DDX31: variants seen among roughly 807,000 people sequenced by gnomAD.
The protein encoded by DDX31 is DEAD-box helicase 31.
DDX31 carries 70 observed loss-of-function variants against 91.3 expected under a neutral mutation model. The ratio of observed to expected loss-of-function variants is 0.77; its 90% CI spans 0.63 to 0.94. DDX31 has a LOEUF of 0.94. DDX31 is among the 40% of genes least tolerant of loss of function. The pLI is 0.00. For synonymous variants in DDX31, 362 were observed against 350.6 expected (o/e 1.03, Z -0.36); for missense variants, 902 against 925.0 (o/e 0.98, Z 0.32).
chr9:132,623,365 G>C (rs1832165680), intron 17 of DDX31, among the ~76,000 whole-genome samples: 1 of 151,406 alleles, frequency 6.6e-6, no homozygotes, highest in Non-Finnish European at 1.5e-5. Flanking sequence ...AGACCATCCT[G>C]GCCAACATAG....
chr9:132,653,494 C>CAAAAAAAAAAAAAAAAAAAAA (rs71376648), intron 6 of DDX31, among the ~76,000 whole-genome samples: 1 of 20,662 alleles, frequency 4.8e-5, no homozygotes, highest in Non-Finnish European at 1.5e-4. Flanking sequence ...AACTCAGTCT[C>CAAAAAAAAAAAAAAAAAAAAA]AAAAAAAAAA....
At chr9:132,669,774 C>T (rs573978007) in intron 1 of DDX31, 86 bp downstream of exon 1, 1 of 1,520,416 alleles carries the variant, frequency 6.6e-7, no homozygotes, top group African/African-American at 1.4e-5. Context: ...GACTCGAAAC[C>T]CGACTCCAAG....
chr9:132,665,159 C>T (rs1169021361), intron 1 of DDX31, among the ~76,000 whole-genome samples: 1 of 152,194 alleles, frequency 6.6e-6, no homozygotes, highest in East Asian at 1.9e-4. Context: ...GCACTGTATC[C>T]CCTGTATAGG....
At chr9:132,617,003 C>T (rs1338058173) in intron 18 of DDX31, among the ~76,000 whole-genome samples, 1 of 152,192 alleles carries the variant, frequency 6.6e-6, no homozygotes, top group Non-Finnish European at 1.5e-5. Flanking sequence ...CACTTGCCCC[C>T]GCTAGAGTCT....
Position 132,646,922 on chromosome 9 carries a change from G to A in DDX31, c.1104C>T (p.Asp368=), listed in dbSNP as rs894541488. 1 of 1,614,184 alleles carries A rather than the reference G, an allele frequency of 6.2e-7. No homozygotes were observed. The highest frequency in any genetic ancestry group is 1.1e-5 in the South Asian group (1 of 91,084). Residue 368 remains aspartate (D), a synonymous_variant, in exon 12 of 20, where the codon GAC becomes GAT. Transcript: ENST00000372159. ...TGAGACTCTCTGGTATTGCAAAGCT[G>A]TCCAGCTTGTCGCCAGCTGGTGGAG... ...VCPPPAGDKL[D]SFAIPESLKQ...
chr9:132,638,308 A>C, intron 14 of DDX31: 3 of 1,613,848 alleles, frequency 1.9e-6, no homozygotes, highest in Non-Finnish European at 2.5e-6. Context: ...ACTCGTCAAC[A>C]TAATGATGGT....
At position 132,648,176 on chromosome 9, in the gene DDX31, C is replaced by A; in HGVS notation, c.967+13G>T. 1 of 1,603,966 alleles carries A rather than the reference C, an allele frequency of 6.2e-7. No individual in the cohort carries two copies. Among genetic ancestry groups the A allele is most frequent in the African/African-American group, 1.3e-5 (1 of 74,356 alleles). On this transcript the variant is annotated intron_variant, in intron 11 of 19. Transcript: ENST00000372159. ...AAGAACAAAGAAGGACCCATCACTT[C>A]TTTTCAACTCACCTTCTGTGAGTGT...
intron 17 of DDX31, among the ~76,000 whole-genome samples, chr9:132,622,658 T>C (rs1000663922): frequency 6.6e-6 from 1 of 152,196 alleles, no homozygotes; most frequent in Admixed American, 6.5e-5. Context: ...TACTATCTCA[T>C]TGTGTAATTG....
chr9:132,644,723 G>T (rs1466986121), intron 13 of DDX31, among the ~76,000 whole-genome samples: 1 of 152,128 alleles, frequency 6.6e-6, no homozygotes, highest in African/African-American at 2.4e-5. Context: ...CGGATTCACA[G>T]GATTAGTAAA....
At chr9:132,669,680 G>A (rs1835595198) in intron 1 of DDX31, 180 bp downstream of exon 1, 3 of 1,533,724 alleles carry the variant, frequency 2.0e-6, no homozygotes, top group Non-Finnish European at 1.7e-6. Flanking sequence ...ATCCCTGCGG[G>A]TGGTGTTCCG....
intron 18 of DDX31, among the ~76,000 whole-genome samples, chr9:132,612,903 G>A (rs1831429334): frequency 6.6e-6 from 1 of 152,038 alleles, no homozygotes; most frequent in Admixed American, 6.6e-5. Context: ...TGTACTCACT[G>A]GACTTTTTAA....
chr9:132,669,848 G>A lies in DDX31; in HGVS notation c.75+12C>T, dbSNP rs1260664965. The A allele has an allele frequency of 1.9e-6, 3 of 1,572,532 alleles. No individual in the cohort carries two copies. Among genetic ancestry groups the A allele is most frequent in the Non-Finnish European group, 2.6e-6 (3 of 1,161,702 alleles). On this transcript the variant is annotated intron_variant, in intron 1 of 19. Coordinates refer to ENST00000372159, the MANE Select transcript of DDX31 (RefSeq NM_022779.9). ...CGGGTGGGGACGGAGCTGAAGCCGGGTCAGAACTCACCCGACTCGCCTGGG... is the reference window on the plus strand; with the variant it reads ...CGGGTGGGGACGGAGCTGAAGCCGGATCAGAACTCACCCGACTCGCCTGGG...
At chr9:132,625,878 T>G (rs929569749) in intron 16 of DDX31, 133 bp from the exon 17 acceptor site, 1 of 630,568 alleles carries the variant, frequency 1.6e-6, no homozygotes, top group African/African-American at 1.9e-5. Flanking sequence ...GGAAAGGAAA[T>G]ATTTTCCTAA....
intron 19 of DDX31, among the ~76,000 whole-genome samples, chr9:132,598,372 C>T (rs1235080222): frequency 6.6e-6 from 1 of 152,192 alleles, no homozygotes; most frequent in East Asian, 1.9e-4. Flanking sequence ...ATACCCGCAC[C>T]CCTCTCCAAT....
intron 17 of DDX31, among the ~76,000 whole-genome samples, chr9:132,623,870 A>C (rs1331088523): frequency 6.6e-6 from 1 of 152,028 alleles, no homozygotes; most frequent in African/African-American, 2.4e-5. Context: ...GGGAACATTA[A>C]AAAAGAAACC....
At position 132,612,203 on chromosome 9, in the gene DDX31, G is replaced by A. The variant is rs989400739; in HGVS notation, c.1878C>T (p.His626=). Residue 626 remains histidine, a synonymous_variant, in exon 19 of 20, where the codon CAC becomes CAT. Transcript: ENST00000372159. ...AYATYPRELK[H]IFHVRSLHLG... is the part of the protein sequence containing the mutation. ...GGTGGAGGGATCGGACGTGGAAGAT[G>A]TGCTTCAGCTCCCTGGGGTAGGTGG... 4 of 1,614,126 alleles carry A rather than the reference G, an allele frequency of 2.5e-6. No homozygotes were observed. The highest frequency in any genetic ancestry group is 3.4e-6 in the Non-Finnish European group (4 of 1,180,060).
rs2030681359 is a variant in DDX31 at position 132,662,586 on chromosome 9, GTTTC to G, written c.181_184del (p.Glu61LeufsTer53). 1 of 1,614,218 alleles carries G rather than the reference GTTTC, an allele frequency of 6.2e-7. No individual in the cohort carries two copies. The highest frequency in any genetic ancestry group is 1.3e-5 in the African/African-American group (1 of 75,060). ...TGCGTTCCCCTTAAAAGTCCTCTGAGTTTCTTTAACACTAGTTTTCTTGGCTGGG... is the reference window on the plus strand; with the variant it reads ...TGCGTTCCCCTTAAAAGTCCTCTGAGTTTAACACTAGTTTTCTTGGCTGGG... On this transcript the variant is annotated frameshift_variant, in exon 2 of 20. Coordinates refer to ENST00000372159, the MANE Select transcript of DDX31 (RefSeq NM_022779.9). LOFTEE classifies it high-confidence loss of function.
At chr9:132,661,153 G>A (rs4498679) in intron 4 of DDX31, 55 bp downstream of exon 4, 163,267 of 1,509,324 alleles carry the variant, frequency 0.11, 9,666 homozygotes, top group Admixed American at 0.21. Flanking sequence ...CACAGGTTTC[G>A]TCCGGTTATA....
At chr9:132,612,392 A>G in intron 18 of DDX31, 137 bp from the exon 19 acceptor site, 1 of 939,128 alleles carries the variant, frequency 1.1e-6, no homozygotes, top group African/African-American at 1.7e-5. Context: ...CAACATATAC[A>G]AACAACTAAA....
Sources: gnomAD v4.1 joint callset for allele counts (sites outside exome capture counted in the v4.1 genomes callset) on GRCh38, gnomAD v4.1.1 for gene constraint, MANE v1.5 for transcripts, NCBI Gene and HGNC (gene_info 2026-07-23, HGNC 2026-07-21) for gene names.